Variants in MYOM1 observed in about 807,000 individuals in gnomAD.
MYOM1 encodes myomesin 1.
A neutral mutation model predicts 205.3 loss-of-function variants in MYOM1; 164 were observed. That is an observed-to-expected ratio of 0.80 (90% confidence interval 0.70 to 0.91). The LOEUF (loss-of-function observed/expected upper bound fraction) is 0.91. Ranked by LOEUF, MYOM1 falls within the 40% of genes least tolerant of loss-of-function variation. The pLI, the probability that MYOM1 is intolerant of heterozygous loss-of-function variation, is 0.00. For synonymous variants in MYOM1, 772 were observed against 789.4 expected, an observed-to-expected ratio of 0.98 and a Z score of 0.37; for missense variants, 2,011 against 2,127.3, an observed-to-expected ratio of 0.95 and a Z score of 1.08.
intron 2 of MYOM1, among the ~76,000 whole-genome samples, chr18:3,198,603 G>C (rs2081024029): frequency 6.6e-6 from 1 of 152,206 alleles, no homozygotes; most frequent in East Asian, 1.9e-4. Context: ...GGCCAAGATG[G>C]TGAAACCCCG....
At chr18:3,129,178 A>G (rs2079837736) in intron 18 of MYOM1, 54 bp downstream of exon 18, 3 of 1,555,948 alleles carry the variant, frequency 1.9e-6, no homozygotes, top group Non-Finnish European at 2.6e-6. Context: ...AGACGATGAG[A>G]GGTGAGGACA....
At chr18:3,089,667 T>A in intron 27 of MYOM1, 71 bp from the exon 28 acceptor site, 1 of 1,179,892 alleles carries the variant, frequency 8.5e-7, no homozygotes, top group Non-Finnish European at 1.2e-6. Flanking sequence ...GCCACTGCAC[T>A]AAGTGATTTA....
intron 20 of MYOM1, among the ~76,000 whole-genome samples, chr18:3,117,685 A>T (rs1288722513): frequency 6.6e-6 from 1 of 151,874 alleles, no homozygotes; most frequent in Admixed American, 6.6e-5. Flanking sequence ...ATAACAACTG[A>T]CATCTAGCCA....
chr18:3,176,768 G>C (rs2080646725), intron 5 of MYOM1, among the ~76,000 whole-genome samples: 1 of 152,056 alleles, frequency 6.6e-6, no homozygotes, highest in Admixed American at 6.6e-5. Flanking sequence ...TGTAATCCCA[G>C]CTACTCAGGA....
chr18:3,082,230 C>A (rs1400447440), intron 33 of MYOM1, among the ~76,000 whole-genome samples: 4 of 152,278 alleles, frequency 2.6e-5, no homozygotes, highest in Non-Finnish European at 5.9e-5. Flanking sequence ...GGACTGGTAC[C>A]GGTCCATGGC....
intron 8 of MYOM1, among the ~76,000 whole-genome samples, chr18:3,172,146 A>G (rs188738533): frequency 6.6e-6 from 1 of 152,362 alleles, no homozygotes; most frequent in East Asian, 1.9e-4. Context: ...TTAGAAAAAA[A>G]GAGCAGAGAG....
the MYOM1 span, among the ~76,000 whole-genome samples, chr18:3,226,534 G>C: frequency 6.6e-6 from 1 of 151,980 alleles, no homozygotes. The surrounding 1 kb of genome is among the most constrained non-coding windows in gnomAD (Gnocchi z 4.6). Flanking sequence ...CTCACACCTG[G>C]TGCTCCTCTC....
intron 34 of MYOM1, among the ~76,000 whole-genome samples, chr18:3,078,169 G>A (rs2079041822): frequency 6.6e-6 from 1 of 151,836 alleles, no homozygotes; most frequent in South Asian, 2.1e-4. Flanking sequence ...AGCCTCCCAA[G>A]TAGCTGGGAT....
chr18:3,215,068 G>A lies in MYOM1; in HGVS notation c.156C>T (p.Ala52=), dbSNP rs771436565. 2.5e-6 allele frequency: 4 copies of A among 1,613,512 alleles called. No individual in the cohort carries two copies. The East Asian group carries it at 6.7e-5, about 27-fold the overall frequency. Residue 52 remains alanine, a synonymous_variant, in exon 2 of 38, where the codon GCC becomes GCT. Transcript: ENST00000356443. ...AGGCCTCGGACTCCCGGCGGTGCGC[G>A]GCGGAGGAGCGGCTGCTGTAGGCCG... is the stretch of plus-strand genomic sequence containing the variant. ...GSTAYSSRSS[A]AHRRESEAFR...
chr18:3,067,383 A>AG lies in MYOM1; in HGVS notation c.4936dup (p.Leu1646ProfsTer53). The AG allele has an allele frequency of 1.2e-6, 2 of 1,613,216 alleles. No homozygotes were observed. On this transcript the variant is annotated frameshift_variant, in exon 38 of 38. Coordinates refer to ENST00000356443, the MANE Select transcript of MYOM1 (RefSeq NM_003803.4). LOFTEE classifies it high-confidence loss of function. ...CGAGCCATACTTGTTCTTCACAACCAGCCCGTATTTGCCCGAGTCAGCGGT... is the reference window on the plus strand; with the variant it reads ...CGAGCCATACTTGTTCTTCACAACCAGGCCCGTATTTGCCCGAGTCAGCGGT...
chr18:3,102,696 C>T (rs1243934898), intron 22 of MYOM1, 66 bp from the exon 23 acceptor site: 2 of 1,526,898 alleles, frequency 1.3e-6, no homozygotes, highest in East Asian at 2.3e-5. Context: ...AATTTGTTAC[C>T]TTGAGATTCT....
Position 3,131,202 on chromosome 18 carries a change from A to C in MYOM1, c.2506+173T>G, listed in dbSNP as rs935953834. ...TCTGGATAAGTGATGAAGGTCTGTA[A>C]AATGGCAGCTATGGAAGGTTAGACA... On this transcript the variant is annotated intron_variant, in intron 17 of 37. Transcript: ENST00000356443. 9.2e-5 allele frequency among the ~76,000 whole-genome samples: 14 copies of C among 152,378 alleles called. No homozygotes were observed. In the East Asian group the frequency reaches 2.7e-3, roughly 29 times the overall value.
At chr18:3,075,349 A>G (rs1250655737) in intron 36 of MYOM1, 105 bp downstream of exon 36, 2 of 1,127,464 alleles carry the variant, frequency 1.8e-6, no homozygotes, top group African/African-American at 3.1e-5. Context: ...AAAAGAAAAA[A>G]ACCACTTCCA....
chr18:3,121,735 C>T (rs1375132084), intron 19 of MYOM1, among the ~76,000 whole-genome samples: 2 of 151,956 alleles, frequency 1.3e-5, no homozygotes, highest in African/African-American at 4.8e-5. Flanking sequence ...GAAAGAAACT[C>T]GGAATCTATA....
chr18:3,197,735 T>C (rs966190336), intron 2 of MYOM1, among the ~76,000 whole-genome samples: 43 of 151,808 alleles, frequency 2.8e-4, no homozygotes, highest in East Asian at 1.8e-3. Context: ...TAGCTGGGCA[T>C]GGTGGCAGGC....
intron 13 of MYOM1, among the ~76,000 whole-genome samples, chr18:3,144,680 T>C (rs1394653237): frequency 6.6e-6 from 1 of 152,134 alleles, no homozygotes; most frequent in African/African-American, 2.4e-5. Context: ...AAAGCTGGAA[T>C]AGCTATATTA....
intron 10 of MYOM1, among the ~76,000 whole-genome samples, chr18:3,161,136 T>C (rs59802934): frequency 0.013 from 2,026 of 152,298 alleles, 36 homozygotes; most frequent in African/African-American, 0.045. Flanking sequence ...TGCAGTGTGT[T>C]GGTTCTCACT....
Position 3,066,986 on chromosome 18 carries a change from C to A in MYOM1, c.*276G>T, listed in dbSNP as rs1188783799. ...ATTCGTCTGCCCTCTGACCATCATTCAATGTCCCTCCAACTTCATTCAAGT... is the reference window on the plus strand; with the variant it reads ...ATTCGTCTGCCCTCTGACCATCATTAAATGTCCCTCCAACTTCATTCAAGT... On this transcript the variant is annotated 3_prime_UTR_variant, in exon 38 of 38. Transcript: ENST00000356443. The A allele has an allele frequency of 4.9e-6, 2 of 408,414 alleles. No homozygotes were observed. The highest frequency in any genetic ancestry group is 4.0e-5 in the African/African-American group (2 of 49,928). The allele number at this position is 408,414 out of a possible 1,614,324, so 25.3% of individuals were successfully genotyped here.
chr18:3,194,100 TTAAAG>T (rs1418535460), intron 2 of MYOM1, 142 bp from the exon 3 acceptor site: 5 of 870,976 alleles, frequency 5.7e-6, no homozygotes, highest in Non-Finnish European at 8.4e-6. Context: ...ATCTTTAGAA[TTAAAG>T]TAGAGTTAGA....
Sources: allele counts gnomAD v4.1 joint callset (sites outside exome capture counted in the v4.1 genomes callset), GRCh38; gene constraint gnomAD v4.1.1; non-coding constraint Gnocchi (gnomAD v3.1); transcripts MANE v1.5; gene names NCBI Gene and HGNC (gene_info 2026-07-23, HGNC 2026-07-21).